JMJD1C: variants seen among roughly 807,000 people sequenced by gnomAD.
The protein encoded by JMJD1C is jumonji domain containing 1C.
JMJD1C carries 31 observed loss-of-function variants against 245.3 expected under a neutral mutation model. That is an observed-to-expected ratio of 0.13 (90% CI 0.09 to 0.17). The LOEUF is 0.17. JMJD1C is among the 10% of genes least tolerant of loss of function. The pLI is 1.00. For synonymous variants in JMJD1C, 1,057 were observed against 1,017.4 expected, an observed-to-expected ratio of 1.04 and a Z score of -0.74; for missense variants, 2,691 against 3,000.2, an observed-to-expected ratio of 0.90 and a Z score of 2.41.
intron 2 of JMJD1C, among the ~76,000 whole-genome samples, chr10:63,367,023 A>G (rs1299614568): frequency 6.6e-6 from 1 of 152,204 alleles, no homozygotes; most frequent in Non-Finnish European, 1.5e-5. Context: ...TTCATAAGAC[A>G]ATGGAGAAAA....
intron 1 of JMJD1C, among the ~76,000 whole-genome samples, chr10:63,512,706 C>T (rs1464183528): frequency 6.6e-6 from 1 of 152,160 alleles, no homozygotes. Context: ...GCTCTCTGAG[C>T]TTCCTGGATC....
intron 2 of JMJD1C, among the ~76,000 whole-genome samples, chr10:63,276,460 C>T (rs1202305979): frequency 1.5e-4 from 18 of 116,988 alleles, no homozygotes; most frequent in Non-Finnish European, 2.6e-4. Flanking sequence ...AGTGAGATTC[C>T]GTCTCAAAAA....
chr10:63,452,543 T>G (rs1426047090), intron 1 of JMJD1C, among the ~76,000 whole-genome samples: 4 of 152,150 alleles, frequency 2.6e-5, no homozygotes, highest in Non-Finnish European at 1.5e-5. Context: ...TCACAAAACA[T>G]AAAATTACCA....
chr10:63,295,960 T>TAC (rs1564748088), intron 2 of JMJD1C, among the ~76,000 whole-genome samples: 1 of 5,310 alleles, frequency 1.9e-4, no homozygotes, highest in Non-Finnish European at 4.7e-4. Flanking sequence ...TACACGTATA[T>TAC]GTGTGTGTGT....
intron 1 of JMJD1C, among the ~76,000 whole-genome samples, chr10:63,507,229 G>A (rs988415976): frequency 2.6e-5 from 4 of 152,128 alleles, no homozygotes; most frequent in South Asian, 2.1e-4. Context: ...AAACATTTGC[G>A]TGCAGGTTTT....
chr10:63,354,247 GT>G (rs1944609346), intron 2 of JMJD1C, among the ~76,000 whole-genome samples: 1 of 152,158 alleles, frequency 6.6e-6, no homozygotes, highest in South Asian at 2.1e-4. Context: ...TGAATCAATT[GT>G]CCCCACAATT....
At chr10:63,408,788 A>T (rs1237179673) in intron 1 of JMJD1C, among the ~76,000 whole-genome samples, 4 of 152,108 alleles carry the variant, frequency 2.6e-5, no homozygotes, top group Non-Finnish European at 5.9e-5. Flanking sequence ...ATCCACGAAA[A>T]GAATCCAGCA....
At chr10:63,334,208 G>A (rs925408938) in intron 2 of JMJD1C, among the ~76,000 whole-genome samples, 2 of 152,176 alleles carry the variant, frequency 1.3e-5, no homozygotes, top group African/African-American at 4.8e-5. Flanking sequence ...GAATAAAGGA[G>A]ACAGAGGACA....
intron 1 of JMJD1C, among the ~76,000 whole-genome samples, chr10:63,482,641 A>C (rs954049989): frequency 1.2e-4 from 18 of 151,342 alleles, no homozygotes; most frequent in African/African-American, 4.3e-4. Flanking sequence ...ATCTCAAAAA[A>C]AAGAAAAAAA....
chr10:63,203,796 T>C, intron 10 of JMJD1C: 5 of 959,408 alleles, frequency 5.2e-6, no homozygotes, highest in Non-Finnish European at 6.2e-6. Flanking sequence ...ATAAAATATA[T>C]AATTATACAT....
intron 1 of JMJD1C, among the ~76,000 whole-genome samples, chr10:63,484,187 G>GGGATGGATGGATGGATGGATGGATGGAT (rs375305760): frequency 2.8e-4 from 40 of 144,922 alleles, no homozygotes; most frequent in African/African-American, 1.0e-3. Flanking sequence ...CCAGCACCTT[G>GGGATGGATGGATGGATGGATGGATGGAT]GGATGGATGG....
intron 1 of JMJD1C, among the ~76,000 whole-genome samples, chr10:63,497,173 TA>T (rs1184889114): frequency 1.2e-4 from 18 of 147,606 alleles, no homozygotes; most frequent in African/African-American, 1.2e-4. Flanking sequence ...TTAGTTTACT[TA>T]AAAAAAAAAC....
At chr10:63,399,820 T>C (rs4745706) in intron 1 of JMJD1C, among the ~76,000 whole-genome samples, 21,273 of 151,804 alleles carry the variant, frequency 0.14, 2,196 homozygotes, top group East Asian at 0.35. Context: ...ATGTAAAATA[T>C]TGACATACTT....
At chr10:63,416,469 T>G (rs1185962355) in intron 1 of JMJD1C, among the ~76,000 whole-genome samples, 6 of 152,134 alleles carry the variant, frequency 3.9e-5, no homozygotes, top group African/African-American at 1.4e-4. Context: ...GAGCATGTGA[T>G]ATTATAAAAA....
chr10:63,197,093 G>C (rs1033434492), intron 13 of JMJD1C, among the ~76,000 whole-genome samples: 3 of 152,050 alleles, frequency 2.0e-5, no homozygotes, highest in African/African-American at 7.2e-5. Flanking sequence ...ACAGGCATGA[G>C]CCACAGTGCC....
At chr10:63,436,016 T>C (rs1277844472) in intron 1 of JMJD1C, among the ~76,000 whole-genome samples, 2 of 152,190 alleles carry the variant, frequency 1.3e-5, no homozygotes, top group Non-Finnish European at 2.9e-5. Flanking sequence ...CCTGAGATAT[T>C]TTTACCTCAT....
intron 2 of JMJD1C, among the ~76,000 whole-genome samples, chr10:63,335,230 G>A (rs10740115): frequency 0.42 from 64,112 of 151,210 alleles, 14,142 homozygotes; most frequent in South Asian, 0.53. Context: ...TCTGAATGTT[G>A]TTATCAGAGA....
At chr10:63,357,284 T>C (rs984215290) in intron 2 of JMJD1C, among the ~76,000 whole-genome samples, 8 of 151,942 alleles carry the variant, frequency 5.3e-5, no homozygotes, top group African/African-American at 1.7e-4. Context: ...CACACAAATA[T>C]ATTTTTTCAA....
At chr10:63,446,905 C>T (rs533209892) in intron 1 of JMJD1C, among the ~76,000 whole-genome samples, 1 of 152,122 alleles carries the variant, frequency 6.6e-6, no homozygotes, top group Non-Finnish European at 1.5e-5. Flanking sequence ...GCCAAAGAAG[C>T]CAAAGATAGA....
Sources: gnomAD v4.1 joint callset for allele counts (sites outside exome capture counted in the v4.1 genomes callset) on GRCh38, gnomAD v4.1.1 for gene constraint, MANE v1.5 for transcripts, NCBI Gene and HGNC (gene_info 2026-07-23, HGNC 2026-07-21) for gene names.